Variants in BFSP1 observed in about 807,000 individuals in gnomAD.
BFSP1 encodes filensin.
A neutral mutation model predicts 43.9 loss-of-function variants in BFSP1; 38 were observed. That is an observed-to-expected ratio of 0.87 (90% CI 0.67 to 1.14). The LOEUF is 1.14. Among genes scored for constraint, BFSP1 ranks in the 50% most tolerant of loss-of-function variants. The pLI is 0.00. For missense variants in BFSP1, 850 were observed against 875.1 expected, an observed-to-expected ratio of 0.97 and a Z score of 0.36; for synonymous variants, 352 against 354.8, an observed-to-expected ratio of 0.99 and a Z score of 0.09.
intron 1 of BFSP1, among the ~76,000 whole-genome samples, chr20:17,556,851 T>A (rs921337371): frequency 3.1e-5 from 4 of 127,460 alleles, no homozygotes; most frequent in African/African-American, 1.0e-4. Context: ...ATTTTCAACA[T>A]TTTTTTCCCC....
chr20:17,510,853 A>G (rs746300011), intron 4 of BFSP1, among the ~76,000 whole-genome samples: 34 of 152,330 alleles, frequency 2.2e-4, no homozygotes, highest in Middle Eastern at 6.8e-3. Flanking sequence ...AAAGACCCAG[A>G]ACCTTATCTC....
chr20:17,507,604 C>T lies in BFSP1; in HGVS notation c.735+1285G>A, dbSNP rs2123478206. Among the ~76,000 whole-genome samples, 1 of 152,028 alleles carries T rather than the reference C, an allele frequency of 6.6e-6. No individual in the cohort carries two copies. The highest frequency in any genetic ancestry group is 3.4e-3 in the Middle Eastern group (1 of 294). On this transcript the variant is annotated intron_variant, in intron 5 of 7. Transcript: ENST00000377873. The surrounding 1 kb of genome is among the most constrained non-coding windows in gnomAD (Gnocchi z 4.4). ...ACACACACACACCACACACACTTCACATACACATCCCACATATATCACACA... is the reference window on the plus strand; with the variant it reads ...ACACACACACACCACACACACTTCATATACACATCCCACATATATCACACA...
intron 1 of BFSP1, among the ~76,000 whole-genome samples, chr20:17,564,600 T>C (rs1306914952): frequency 1.3e-5 from 2 of 152,152 alleles, no homozygotes; most frequent in African/African-American, 4.8e-5. Context: ...TCTTCTTCTT[T>C]TTTTTTGAGA....
chr20:17,508,849 G>A (rs1046046176), intron 5 of BFSP1, 40 bp downstream of exon 5: 2 of 1,489,538 alleles, frequency 1.3e-6, no homozygotes, highest in Admixed American at 4.6e-5. Context: ...CATGAAACAT[G>A]TGGGAAGCCC....
At chr20:17,497,466 A>ACACACACG (rs1374211167) in intron 6 of BFSP1, among the ~76,000 whole-genome samples, 2 of 148,408 alleles carry the variant, frequency 1.3e-5, no homozygotes, top group Non-Finnish European at 3.0e-5. Flanking sequence ...ATATACACAC[A>ACACACACG]CACACGTATA....
intron 1 of BFSP1, among the ~76,000 whole-genome samples, chr20:17,552,985 A>C (rs1325105410): frequency 6.6e-6 from 1 of 152,194 alleles, no homozygotes; most frequent in Non-Finnish European, 1.5e-5. Flanking sequence ...CATGAAACTG[A>C]ATCAGAAAAC....
chr20:17,515,329 C>T (rs776053790), intron 2 of BFSP1, among the ~76,000 whole-genome samples: 1 of 152,184 alleles, frequency 6.6e-6, no homozygotes, highest in Non-Finnish European at 1.5e-5. Context: ...TATATCTCAT[C>T]ATCAGTGAGT....
intron 1 of BFSP1, among the ~76,000 whole-genome samples, chr20:17,537,928 G>A (rs1303569085): frequency 6.6e-6 from 1 of 152,042 alleles, no homozygotes; most frequent in African/African-American, 2.4e-5. Flanking sequence ...GACCAGCCTG[G>A]GCAATATAAT....
In BFSP1 at chr20:17,493,915, G is replaced by A. The variant is rs1339813239; in HGVS notation, c.*159C>T. The A allele has an allele frequency of 1.4e-6, 1 of 693,872 alleles. No homozygotes were observed. The highest frequency in any genetic ancestry group is 2.4e-6 in the Non-Finnish European group (1 of 425,456). The allele number at this position is 693,872 out of a possible 1,614,324, so 43.0% of individuals were successfully genotyped here. ...ATTAGACAAAGGATGTGCAAGCAAA[G>A]AAAACATTTTAATGAAGGCTTCGTT... is the stretch of plus-strand genomic sequence containing the variant. On this transcript the variant is annotated 3_prime_UTR_variant, in exon 8 of 8. Coordinates refer to ENST00000377873, the MANE Select transcript of BFSP1 (RefSeq NM_001195.5).
chr20:17,519,889 T>C (rs904842931), intron 2 of BFSP1, among the ~76,000 whole-genome samples: 1 of 152,232 alleles, frequency 6.6e-6, no homozygotes, highest in Non-Finnish European at 1.5e-5. Context: ...TGTTTTCTTT[T>C]GTTTGCGCCA....
chr20:17,499,300 G>A (rs545645110), intron 5 of BFSP1, among the ~76,000 whole-genome samples: 2 of 149,920 alleles, frequency 1.3e-5, no homozygotes, highest in South Asian at 2.1e-4. Context: ...CTGGAATGCA[G>A]GAGTGCAATC....
At chr20:17,515,128 G>A (rs1301163407) in intron 2 of BFSP1, among the ~76,000 whole-genome samples, 1 of 152,108 alleles carries the variant, frequency 6.6e-6, no homozygotes. Flanking sequence ...AGTGGGTAGA[G>A]GCCAGGGACA....
intron 1 of BFSP1, among the ~76,000 whole-genome samples, chr20:17,547,897 A>ATTTTTTTTTTTTTTTTTTTTT (rs71192391): frequency 2.0e-5 from 2 of 101,896 alleles, no homozygotes; most frequent in Non-Finnish European, 3.7e-5. Context: ...TGCCCGGCCA[A>ATTTTTTTTTTTTTTTTTTTTT]TTTTTTTTTT....
rs2034536326 is a variant in BFSP1 at position 17,531,344 on chromosome 20, G to A, written c.-15C>T. On this transcript the variant is annotated 5_prime_UTR_variant, in exon 1 of 8. Transcript: ENST00000377873. Reference sequence around the variant, plus strand: ...CGCCGGTACATGGCTGCTCTGGCGCGGGCGCGCGGGCGGCGCCGAGCCGGC... The same window carrying A: ...CGCCGGTACATGGCTGCTCTGGCGCAGGCGCGCGGGCGGCGCCGAGCCGGC... 2 of 1,375,006 alleles carry A rather than the reference G, an allele frequency of 1.5e-6. No individual in the cohort carries two copies. The highest frequency in any genetic ancestry group is 1.5e-5 in the African/African-American group (1 of 65,280). The allele number at this position is 1,375,006 out of a possible 1,614,324, so 85.2% of individuals were successfully genotyped here.
intron 1 of BFSP1, among the ~76,000 whole-genome samples, chr20:17,552,721 G>A (rs767447034): frequency 5.9e-5 from 9 of 152,176 alleles, no homozygotes; most frequent in Non-Finnish European, 1.2e-4. Flanking sequence ...GGATGTGAAA[G>A]AGAAGAGACA....
chr20:17,534,655 A>G (rs1338692963), upstream of BFSP1, among the ~76,000 whole-genome samples: 2 of 152,244 alleles, frequency 1.3e-5, no homozygotes, highest in African/African-American at 2.4e-5. Context: ...AAAAATGTTA[A>G]TATCATAAAA....
intron 2 of BFSP1, among the ~76,000 whole-genome samples, chr20:17,523,360 G>A (rs78903141): frequency 0.011 from 1,701 of 152,212 alleles, 14 homozygotes; most frequent in Non-Finnish European, 0.017. Flanking sequence ...ACATGTGGAA[G>A]TGTTGGGGAG....
intron 1 of BFSP1, among the ~76,000 whole-genome samples, chr20:17,548,180 C>CAAAAAAAAAAAAAAAAAA (rs11470598): frequency 2.5e-5 from 3 of 119,854 alleles, no homozygotes; most frequent in East Asian, 2.8e-4. Flanking sequence ...GAAAATAATG[C>CAAAAAAAAAAAAAAAAAA]AAAAAAAAAA....
At chr20:17,544,264 G>C (rs2034765936) in intron 1 of BFSP1, among the ~76,000 whole-genome samples, 2 of 152,156 alleles carry the variant, frequency 1.3e-5, no homozygotes, top group African/African-American at 4.8e-5. Flanking sequence ...GGGACGCGAA[G>C]CTGGGTACTT....
Sources: allele counts gnomAD v4.1 joint callset (sites outside exome capture counted in the v4.1 genomes callset), GRCh38; gene constraint gnomAD v4.1.1; non-coding constraint Gnocchi (gnomAD v3.1); transcripts MANE v1.5; gene names NCBI Gene and HGNC (gene_info 2026-07-23, HGNC 2026-07-21).